KDM4C: variants seen among roughly 807,000 people sequenced by gnomAD.
KDM4C encodes the protein lysine-specific demethylase 4C.
KDM4C carries 81 observed loss-of-function variants against 129.3 expected under a neutral mutation model. That is an observed-to-expected ratio of 0.63 (90% CI 0.52 to 0.75). The LOEUF is 0.75. KDM4C is among the 30% of genes least tolerant of loss of function. The pLI, the probability that KDM4C is intolerant of heterozygous loss-of-function variation, is 0.00. For synonymous variants in KDM4C, 573 were observed against 456.1 expected (o/e 1.26, Z -3.26); for missense variants, 1,457 against 1,304.0 (o/e 1.12, Z -1.81).
chr9:6,872,160 G>C lies in KDM4C; in HGVS notation c.630-7852G>C, dbSNP rs117679574. Among the ~76,000 whole-genome samples, 5 of 152,320 alleles carry C rather than the reference G, an allele frequency of 3.3e-5. No individual in the cohort carries two copies. In the East Asian group the frequency reaches 9.6e-4, roughly 29 times the overall value. Reference sequence around the variant, plus strand: ...TATTTAAGAAGGTTGGAGTTAAATTGTGGAGGTCTTGAAAGCCAGGCAGTG... The same window carrying C: ...TATTTAAGAAGGTTGGAGTTAAATTCTGGAGGTCTTGAAAGCCAGGCAGTG... On this transcript the variant is annotated intron_variant, in intron 5 of 21. Coordinates refer to ENST00000381309, the MANE Select transcript of KDM4C (RefSeq NM_015061.6).
intron 17 of KDM4C, among the ~76,000 whole-genome samples, chr9:7,070,502 C>G (rs1387121762): frequency 6.6e-6 from 1 of 152,022 alleles, no homozygotes; most frequent in Non-Finnish European, 1.5e-5. Flanking sequence ...CAAACTGAAT[C>G]AGCAGTATAT....
intron 4 of KDM4C, among the ~76,000 whole-genome samples, chr9:6,829,326 A>G (rs1834406124): frequency 6.6e-6 from 1 of 152,184 alleles, no homozygotes; most frequent in South Asian, 2.1e-4. Flanking sequence ...CTGTTTTGTG[A>G]GTTCTGGATG....
rs142251260 is a variant in KDM4C at position 7,022,929 on chromosome 9, AATGAT to A, written c.2259+7006_2259+7010del. ...TCATACGGTTTTTGTTCTTCATTCT[AATGAT>A]ATGATGTATCACATTGATTGATTTG... is the stretch of plus-strand genomic sequence containing the variant. On this transcript the variant is annotated intron_variant, in intron 15 of 21. Coordinates refer to ENST00000381309, the MANE Select transcript of KDM4C (RefSeq NM_015061.6). Among the ~76,000 whole-genome samples the A allele has an allele frequency of 9.3e-4, 141 of 152,262 alleles. 1 individual carries two copies. The highest frequency in any genetic ancestry group is 3.3e-3 in the African/African-American group (137 of 41,568).
chr9:6,910,892 G>A (rs1346849285), intron 8 of KDM4C, among the ~76,000 whole-genome samples: 1 of 152,178 alleles, frequency 6.6e-6, no homozygotes, highest in African/African-American at 2.4e-5. Context: ...AAAATGATGT[G>A]GAGGTACGTT....
At chr9:7,071,136 T>G (rs960659) in intron 17 of KDM4C, among the ~76,000 whole-genome samples, 87,495 of 152,006 alleles carry the variant, frequency 0.58, 26,326 homozygotes, top group South Asian at 0.68. Flanking sequence ...TGTTGAAAAC[T>G]ATAAAACGCT....
At chr9:7,036,470 A>G (rs189572940) in intron 15 of KDM4C, among the ~76,000 whole-genome samples, 7 of 152,258 alleles carry the variant, frequency 4.6e-5, no homozygotes, top group Admixed American at 2.0e-4. Context: ...CCTGGCTTGT[A>G]ACATAGCTAC....
At chr9:6,756,196 T>C (rs1818264242), upstream of KDM4C, among the ~76,000 whole-genome samples, 1 of 152,230 alleles carries the variant, frequency 6.6e-6, no homozygotes. Flanking sequence ...TCCACATCTG[T>C]AACAATGAGG....
chr9:6,842,656 G>T (rs527436561), intron 4 of KDM4C, among the ~76,000 whole-genome samples: 1 of 152,054 alleles, frequency 6.6e-6, no homozygotes, highest in Non-Finnish European at 1.5e-5. Context: ...GTTTTTAAAA[G>T]TTGGTTAATG....
intron 2 of KDM4C, among the ~76,000 whole-genome samples, chr9:6,800,954 G>A (rs566764920): frequency 5.9e-5 from 9 of 152,186 alleles, no homozygotes; most frequent in African/African-American, 1.2e-4. Flanking sequence ...ACAAACATAC[G>A]TTGGAGGATA....
chr9:6,932,992 C>T (rs1466188921), intron 8 of KDM4C, among the ~76,000 whole-genome samples: 2 of 151,802 alleles, frequency 1.3e-5, no homozygotes, highest in Non-Finnish European at 2.9e-5. Context: ...AGCTGTTTAT[C>T]TTATTGCTGC....
At chr9:6,755,461 T>C (rs1030695662), upstream of KDM4C, among the ~76,000 whole-genome samples, 7 of 151,904 alleles carry the variant, frequency 4.6e-5, no homozygotes, top group South Asian at 2.1e-4. Flanking sequence ...GGCACGAGAA[T>C]TGCTTGAACC....
chr9:6,901,620 C>T (rs553361712), intron 8 of KDM4C, among the ~76,000 whole-genome samples: 2 of 152,198 alleles, frequency 1.3e-5, no homozygotes, highest in East Asian at 3.9e-4. Context: ...CCTTTTATGT[C>T]CTGTGGCCAA....
intron 5 of KDM4C, among the ~76,000 whole-genome samples, chr9:6,867,263 C>T (rs745570354): frequency 6.4e-4 from 97 of 152,078 alleles, no homozygotes; most frequent in Non-Finnish European, 1.2e-3. Context: ...ATCCGCCCAC[C>T]TCGGCCTCTG....
intron 12 of KDM4C, among the ~76,000 whole-genome samples, chr9:6,993,870 C>T (rs909530195): frequency 6.6e-6 from 1 of 152,162 alleles, no homozygotes; most frequent in Admixed American, 6.5e-5. Context: ...CTTTGTGTGG[C>T]TTTGAAACCA....
chr9:6,879,925 A>G, intron 5 of KDM4C, 87 bp from the exon 6 acceptor site: 1 of 602,790 alleles, frequency 1.7e-6, no homozygotes, highest in Non-Finnish European at 2.9e-6. Flanking sequence ...AATTTCTTTT[A>G]TGTGACATTA....
At chr9:7,031,257 G>GTGA (rs1425721993) in intron 15 of KDM4C, among the ~76,000 whole-genome samples, 2 of 151,826 alleles carry the variant, frequency 1.3e-5, no homozygotes, top group Admixed American at 6.6e-5. Flanking sequence ...CTGCCTCCTG[G>GTGA]GTTCAAGTGG....
In KDM4C at chr9:6,758,223, C is replaced by T. The variant is rs907756890; in HGVS notation, c.-18+20C>T. 2.2e-5 allele frequency: 22 copies of T among 985,090 alleles called. No individual in the cohort carries two copies. In the African/African-American group the frequency reaches 3.5e-4, roughly 16 times the overall value. The allele number at this position is 985,090 out of a possible 1,614,324, so 61.0% of individuals were successfully genotyped here. A position where few individuals can be genotyped will look rare whatever the true frequency, so the allele number is the denominator to read the frequency against. ...CGCCAGGTAACCGCTTTTCCGGAGT[C>T]TGGGGGCCAGGGCGGGGGGAGGGTC... On this transcript the variant is annotated intron_variant, in intron 1 of 21. Coordinates refer to ENST00000381309, the MANE Select transcript of KDM4C (RefSeq NM_015061.6). The surrounding 1 kb of genome is among the most constrained non-coding windows in gnomAD (Gnocchi z 4.6).
chr9:6,769,388 A>T (rs1263774825), intron 1 of KDM4C, among the ~76,000 whole-genome samples: 2 of 152,030 alleles, frequency 1.3e-5, no homozygotes, highest in East Asian at 3.9e-4. Flanking sequence ...GAGCCTAGCA[A>T]AGAGGTCAGT....
intron 1 of KDM4C, among the ~76,000 whole-genome samples, chr9:6,790,824 C>G (rs778711000): frequency 4.6e-5 from 7 of 152,038 alleles, no homozygotes; most frequent in Non-Finnish European, 1.5e-5. Flanking sequence ...TTCTGTGTGC[C>G]TGTCTCATGA....
Sources: allele counts gnomAD v4.1 joint callset (sites outside exome capture counted in the v4.1 genomes callset), GRCh38; gene constraint gnomAD v4.1.1; non-coding constraint Gnocchi (gnomAD v3.1); transcripts MANE v1.5; gene names NCBI Gene and HGNC (gene_info 2026-07-23, HGNC 2026-07-21).